Variants in PHF3 observed in about 807,000 individuals in gnomAD.
PHF3 encodes the protein PHD finger protein 3.
In PHF3, 41 loss-of-function variants were observed where a neutral mutation model predicts 178.4. The observed-to-expected ratio is 0.23, with a 90% confidence interval of 0.18 to 0.30. The LOEUF (loss-of-function observed/expected upper bound fraction) is 0.30. Ranked by LOEUF, PHF3 falls within the 10% of genes least tolerant of loss-of-function variation. The probability of loss-of-function intolerance (pLI) is 1.00; values close to 1 mark genes in which losing one functional copy is unlikely to be tolerated. For synonymous variants in PHF3, 842 were observed against 800.5 expected, an observed-to-expected ratio of 1.05 and a Z score of -0.88; for missense variants, 2,346 against 2,398.1, an observed-to-expected ratio of 0.98 and a Z score of 0.45.
rs991475669 is a variant in PHF3 at position 63,703,676 on chromosome 6, T to C, written c.3367+5T>C. The C allele has an allele frequency of 7.6e-6, 12 of 1,585,540 alleles. No homozygotes were observed. In the Admixed American group the frequency reaches 1.4e-4, roughly 18 times the overall value. On this transcript the variant is annotated splice_donor_5th_base_variant and intron_variant, in intron 11 of 15. Transcript: ENST00000262043. ...TCAACTGCAAAATCTGCATAGGTAA[T>C]TGGAAGTTTTTCTTCGTAAAATTTT...
intron 2 of PHF3, among the ~76,000 whole-genome samples, chr6:63,654,917 G>A (rs971950252): frequency 7.3e-6 from 1 of 137,040 alleles, no homozygotes; most frequent in Non-Finnish European, 1.5e-5. Flanking sequence ...TTTCGAGATG[G>A]GGCTCTCACT....
chr6:63,652,797 CCAAATGATTGTTTTGG>C (rs1027937973), intron 2 of PHF3, among the ~76,000 whole-genome samples: 2 of 151,960 alleles, frequency 1.3e-5, no homozygotes, highest in African/African-American at 4.8e-5. Flanking sequence ...TTATTCCTTC[CCAAATGATTGTTTTGG>C]TGCCTTTGTT....
rs1368230745 is a variant in PHF3, at chr6:63,720,485, A to G, written c.*6777A>G. 1.3e-6 allele frequency: 1 copy of G among 743,050 alleles called. No homozygotes were observed. Among genetic ancestry groups the G allele is most frequent in the Non-Finnish European group, 2.1e-6 (1 of 481,146 alleles). 46.0% of individuals were successfully genotyped at this position (743,050 alleles called of 1,614,324 possible). Reference sequence around the variant, plus strand: ...AAAAAGATATGTTAGCATTTAGACTATTTCAGGTAATATAGTAAACAGTTG... The same window carrying G: ...AAAAAGATATGTTAGCATTTAGACTGTTTCAGGTAATATAGTAAACAGTTG... On this transcript the variant is annotated 3_prime_UTR_variant, in exon 16 of 16. Transcript: ENST00000262043.
intron 1 of PHF3, among the ~76,000 whole-genome samples, chr6:63,641,338 C>G (rs975456909): frequency 5.3e-5 from 8 of 152,222 alleles, no homozygotes; most frequent in African/African-American, 1.4e-4. Flanking sequence ...CCATCACCAC[C>G]ACCATCACTA....
chr6:63,690,439 G>C (rs1766946858), intron 4 of PHF3, among the ~76,000 whole-genome samples: 1 of 152,102 alleles, frequency 6.6e-6, no homozygotes, highest in African/African-American at 2.4e-5. Context: ...TGAGGTATTT[G>C]GCAAGACTTT....
intron 3 of PHF3, among the ~76,000 whole-genome samples, chr6:63,680,868 G>A (rs1766405754): frequency 6.6e-6 from 1 of 152,048 alleles, no homozygotes; most frequent in South Asian, 2.1e-4. Context: ...CTGATGCAAA[G>A]CTGTTCAGGG....
intron 6 of PHF3, among the ~76,000 whole-genome samples, chr6:63,695,924 G>A (rs1767212028): frequency 6.6e-6 from 1 of 152,196 alleles, no homozygotes; most frequent in South Asian, 2.1e-4. Context: ...AGATGGAAAT[G>A]TTTTGAGTAA....
intron 2 of PHF3, among the ~76,000 whole-genome samples, chr6:63,647,482 T>G (rs1261295943): frequency 1.3e-5 from 2 of 152,212 alleles, no homozygotes; most frequent in African/African-American, 4.8e-5. Flanking sequence ...TTCAATTTTT[T>G]TATGTTGCTT....
intron 8 of PHF3, among the ~76,000 whole-genome samples, chr6:63,698,931 TA>T (rs1390649664): frequency 6.6e-6 from 1 of 151,264 alleles, no homozygotes; most frequent in African/African-American, 2.4e-5. Flanking sequence ...TTTATAACAC[TA>T]TTTTTTTCTT....
chr6:63,682,193 A>G (rs931606843), intron 3 of PHF3, among the ~76,000 whole-genome samples: 1 of 152,082 alleles, frequency 6.6e-6, no homozygotes, highest in African/African-American at 2.4e-5. Flanking sequence ...TTGCCCAACA[A>G]ATGGAGTAGG....
chr6:63,664,577 A>G (rs1302311274), intron 2 of PHF3, among the ~76,000 whole-genome samples: 3 of 152,212 alleles, frequency 2.0e-5, no homozygotes, highest in Admixed American at 6.5e-5. Flanking sequence ...TAACAAATAC[A>G]GTAGATATTA....
rs772154978 is a variant in PHF3, at chr6:63,712,322, T to C, written c.4734T>C (p.Ile1578=). The C allele has an allele frequency of 1.1e-5, 17 of 1,613,174 alleles. No homozygotes were observed. The highest frequency in any genetic ancestry group is 1.4e-5 in the Non-Finnish European group (17 of 1,179,780). The change falls in exon 16 of 16, where the codon ATT becomes ATC. Residue 1578 remains isoleucine, a synonymous_variant. Transcript: ENST00000262043. Reference sequence around the variant, plus strand: ...AAGCATTTTTAACAAATTTATCAATTCAGTCAAAACAAGAGGAAACTGTGG... The same window carrying C: ...AAGCATTTTTAACAAATTTATCAATCCAGTCAAAACAAGAGGAAACTGTGG... ...STEAFLTNLS[I]QSKQEETVES... is the part of the protein sequence containing the mutation.
In PHF3 at chr6:63,698,593, T is replaced by C. The variant is rs1767337173; in HGVS notation, c.2970T>C (p.Asp990=). Reference sequence around the variant, plus strand: ...GAAGTTTGATGTTTAATTTGAAAGATCCTAAAAACAATGTAAGTATGCTTT... The same window carrying C: ...GAAGTTTGATGTTTAATTTGAAAGACCCTAAAAACAATGTAAGTATGCTTT... ...KYRSLMFNLK[D]PKNNILFKKV... is the part of the protein sequence containing the mutation. The change falls in exon 8 of 16, where the codon GAT becomes GAC. Residue 990 remains aspartate, a synonymous_variant. Transcript: ENST00000262043. The C allele has an allele frequency of 6.4e-7, 1 of 1,569,462 alleles. No homozygotes were observed. The highest frequency in any genetic ancestry group is 1.4e-5 in the African/African-American group (1 of 72,688).
At position 63,713,029 on chromosome 6, in the gene PHF3, G is replaced by T. The variant is rs1274472125; in HGVS notation, c.5441G>T (p.Gly1814Val). The T allele has an allele frequency of 6.2e-7, 1 of 1,613,944 alleles. No individual in the cohort carries two copies. Residue 1814 changes from glycine (G) to valine (V), a missense_variant, in exon 16 of 16, where the codon GGA (glycine) becomes GTA (valine). By Grantham distance (109) the Gly-to-Val change is moderately radical (BLOSUM62 -3). This residue lies in a region of PHF3 where 839 missense variants were observed against 806.9 expected (regional missense o/e 1.04). Transcript: ENST00000262043. ...NLQHLKSSPP[G>V]FPFPGPPNFP... ...CAGCATCTCAAGTCTAGCCCACCTG[G>T]ATTTCCATTTCCAGGGCCTCCTAAT...
chr6:63,709,728 A>G (rs1215158061), intron 14 of PHF3, among the ~76,000 whole-genome samples: 1 of 152,228 alleles, frequency 6.6e-6, no homozygotes, highest in Non-Finnish European at 1.5e-5. Context: ...TCCATTGGAA[A>G]GAACCTAGTC....
chr6:63,697,395 A>T (rs1260799474), intron 6 of PHF3, among the ~76,000 whole-genome samples: 2 of 152,212 alleles, frequency 1.3e-5, no homozygotes, highest in African/African-American at 4.8e-5. Flanking sequence ...TAGATATCTT[A>T]AAAAGTGGGA....
intron 2 of PHF3, among the ~76,000 whole-genome samples, chr6:63,659,374 A>G (rs913045952): frequency 1.1e-4 from 16 of 152,210 alleles, no homozygotes; most frequent in Non-Finnish European, 1.6e-4. Flanking sequence ...AACTAGTGTT[A>G]ATCTTAGGAT....
chr6:63,700,570 A>G, intron 9 of PHF3, 104 bp downstream of exon 9: 1 of 611,972 alleles, frequency 1.6e-6, no homozygotes, highest in Non-Finnish European at 3.0e-6. Context: ...GCATAATAAC[A>G]CAGACTTTCT....
At chr6:63,709,892 C>T (rs1767855696) in intron 14 of PHF3, among the ~76,000 whole-genome samples, 2 of 152,112 alleles carry the variant, frequency 1.3e-5, no homozygotes, top group East Asian at 3.8e-4. Context: ...TAATATTTCT[C>T]CTTTTCCTTT....
Sources: gnomAD v4.1 joint callset for allele counts (sites outside exome capture counted in the v4.1 genomes callset) on GRCh38, gnomAD v4.1.1 for gene constraint, gnomAD v4.1.1 regional missense constraint, MANE v1.5 for transcripts, NCBI Gene and HGNC (gene_info 2026-07-23, HGNC 2026-07-21) for gene names.